KCNN2: variants seen among roughly 807,000 people sequenced by gnomAD.
KCNN2 encodes potassium calcium-activated channel subfamily N member 2, also known as small conductance calcium-activated potassium channel protein 2.
KCNN2 carries 24 observed loss-of-function variants against 55.5 expected under a neutral mutation model. The observed-to-expected ratio is 0.43, with a 90% CI of 0.31 to 0.61. KCNN2 has a LOEUF of 0.61. KCNN2 is among the 20% of genes least tolerant of loss of function. The pLI, the probability that KCNN2 is intolerant of heterozygous loss-of-function variation, is 0.08. For missense variants in KCNN2, 754 were observed against 853.6 expected (o/e 0.88, Z 1.45); for synonymous variants, 431 against 336.1 (o/e 1.28, Z -3.09).
intron 1 of KCNN2, among the ~76,000 whole-genome samples, chr5:114,195,833 G>T (rs114410704): frequency 0.03 from 4,544 of 152,016 alleles, 234 homozygotes; most frequent in African/African-American, 0.1. Context: ...GTTTTTTGTA[G>T]ATGCCTTATA....
chr5:114,438,088 C>A (rs1760072873), intron 3 of KCNN2, among the ~76,000 whole-genome samples: 1 of 152,114 alleles, frequency 6.6e-6, no homozygotes, highest in Non-Finnish European at 1.5e-5. Flanking sequence ...AGCAACTGTA[C>A]AGCTTTTCCT....
At chr5:114,243,058 G>T in intron 2 of KCNN2, among the ~76,000 whole-genome samples, 1 of 152,010 alleles carries the variant, frequency 6.6e-6, no homozygotes, top group East Asian at 1.9e-4. Context: ...GGGGATGTCA[G>T]AAAATATAAA....
chr5:114,370,204 T>C (rs1366943874), intron 2 of KCNN2, among the ~76,000 whole-genome samples: 1 of 152,142 alleles, frequency 6.6e-6, no homozygotes, highest in Admixed American at 6.5e-5. Context: ...TTAATAAAAG[T>C]GAGTCACCCA....
chr5:114,211,621 C>G (rs1753887602), intron 1 of KCNN2, among the ~76,000 whole-genome samples: 1 of 152,002 alleles, frequency 6.6e-6, no homozygotes, highest in Non-Finnish European at 1.5e-5. Context: ...GGCTTAGTAC[C>G]TGGGTGATGA....
At chr5:114,096,927 C>G (rs1200441981) in intron 1 of KCNN2, among the ~76,000 whole-genome samples, 1 of 152,132 alleles carries the variant, frequency 6.6e-6, no homozygotes. Context: ...TCCAGTGGAG[C>G]AAGTTCTGCT....
intron 1 of KCNN2, among the ~76,000 whole-genome samples, chr5:114,172,256 A>T (rs567236720): frequency 6.6e-6 from 1 of 152,036 alleles, no homozygotes; most frequent in African/African-American, 2.4e-5. Context: ...TGGGCAAAGT[A>T]TCATGCAAAG....
intron 1 of KCNN2, among the ~76,000 whole-genome samples, chr5:114,071,713 A>G (rs1750572766): frequency 6.6e-6 from 1 of 152,162 alleles, no homozygotes; most frequent in South Asian, 2.1e-4. Context: ...AGGGGGTGAT[A>G]TTTACATTAT....
At chr5:114,120,827 A>G (rs936888925) in intron 1 of KCNN2, among the ~76,000 whole-genome samples, 2 of 152,220 alleles carry the variant, frequency 1.3e-5, no homozygotes, top group Non-Finnish European at 2.9e-5. Context: ...AAATACTGAC[A>G]CTTAGTTCCA....
chr5:114,252,848 A>T (rs1754898445), intron 2 of KCNN2, among the ~76,000 whole-genome samples: 1 of 152,142 alleles, frequency 6.6e-6, no homozygotes, highest in African/African-American at 2.4e-5. Flanking sequence ...CCACACAAGG[A>T]GAGACGAGGA....
chr5:114,353,019 T>G (rs1370598500), intron 2 of KCNN2, among the ~76,000 whole-genome samples: 1 of 151,964 alleles, frequency 6.6e-6, no homozygotes, highest in Non-Finnish European at 1.5e-5. Flanking sequence ...ATTGGCTAAT[T>G]GTACTTTCAA....
intron 1 of KCNN2, among the ~76,000 whole-genome samples, chr5:114,058,149 A>G (rs1297114896): frequency 1.3e-5 from 2 of 152,214 alleles, no homozygotes; most frequent in Non-Finnish European, 2.9e-5. Flanking sequence ...TGGAGGGACC[A>G]CCAAGGCCTG....
chr5:114,175,783 T>C (rs1241229411), intron 1 of KCNN2, among the ~76,000 whole-genome samples: 1 of 152,208 alleles, frequency 6.6e-6, no homozygotes, highest in African/African-American at 2.4e-5. Flanking sequence ...ATAAACTAGT[T>C]GCAATTGCAC....
At chr5:114,296,244 A>T (rs948572805) in intron 2 of KCNN2, among the ~76,000 whole-genome samples, 1 of 152,224 alleles carries the variant, frequency 6.6e-6, no homozygotes, top group African/African-American at 2.4e-5. Flanking sequence ...GCCTATCAGA[A>T]GTCATCTCCA....
chr5:114,375,506 C>A (rs1312146049), intron 2 of KCNN2, among the ~76,000 whole-genome samples: 1 of 152,124 alleles, frequency 6.6e-6, no homozygotes, highest in Non-Finnish European at 1.5e-5. Flanking sequence ...GGTAAATCAT[C>A]TGTCACTTGG....
chr5:114,072,313 C>T (rs1427764845), intron 1 of KCNN2, among the ~76,000 whole-genome samples: 1 of 151,476 alleles, frequency 6.6e-6, no homozygotes, highest in Non-Finnish European at 1.5e-5. Context: ...AAAGTAATGT[C>T]GATCCCTTCT....
intron 1 of KCNN2, among the ~76,000 whole-genome samples, chr5:114,110,921 A>C (rs546804036): frequency 6.6e-6 from 1 of 151,982 alleles, no homozygotes; most frequent in African/African-American, 2.4e-5. Flanking sequence ...TAAAAAATGC[A>C]CATTATTCCT....
intron 3 of KCNN2, among the ~76,000 whole-genome samples, chr5:114,428,519 A>T (rs1192554041): frequency 6.6e-6 from 1 of 152,144 alleles, no homozygotes; most frequent in Admixed American, 6.5e-5. Context: ...CATATTTATT[A>T]TAAAAGCATT....
At chr5:114,106,157 T>G (rs1226972293) in intron 1 of KCNN2, among the ~76,000 whole-genome samples, 1 of 151,916 alleles carries the variant, frequency 6.6e-6, no homozygotes, top group African/African-American at 2.4e-5. Flanking sequence ...CCATTAGCAG[T>G]CTACTTGTTA....
At chr5:114,060,044 G>GTA (rs1561458130) in intron 1 of KCNN2, among the ~76,000 whole-genome samples, 1 of 152,236 alleles carries the variant, frequency 6.6e-6, no homozygotes, top group Admixed American at 6.5e-5. Context: ...AACAGCCCTA[G>GTA]CCCCACAGTA....
Sources: allele counts gnomAD v4.1 joint callset (sites outside exome capture counted in the v4.1 genomes callset), GRCh38; gene constraint gnomAD v4.1.1; transcripts MANE v1.5; gene names NCBI Gene and HGNC (gene_info 2026-07-23, HGNC 2026-07-21).